The following VCF1 variants were observed in gnomAD, a reference collection of about 807,000 sequenced individuals.
VCF1 encodes protein VCF1.
the VCF1 span, among the ~76,000 whole-genome samples, chr17:73,217,764 G>C: frequency 6.6e-6 from 1 of 151,958 alleles, no homozygotes; most frequent in Admixed American, 6.6e-5. Flanking sequence ...CTGAGCTCAG[G>C]AGTTTGAGAC....
chr17:73,208,539 C>T, the VCF1 span: 65 of 1,457,456 alleles, frequency 4.5e-5, no homozygotes, highest in Non-Finnish European at 6.0e-5. Context: ...CTCAGCCACA[C>T]CAATCTTTCC....
At chr17:73,210,273 G>T in the VCF1 span, among the ~76,000 whole-genome samples, 1 of 152,076 alleles carries the variant, frequency 6.6e-6, no homozygotes, top group Admixed American at 6.6e-5. Context: ...GACACAAAAT[G>T]GTATTCTGTA....
chr17:73,227,105 G>A, the VCF1 span: 1 of 1,171,898 alleles, frequency 8.5e-7, no homozygotes, highest in Non-Finnish European at 1.2e-6. Flanking sequence ...TTACACAGCA[G>A]ATACTAGGTT....
chr17:73,225,900 T>TAATA, the VCF1 span, among the ~76,000 whole-genome samples: 286 of 77,868 alleles, frequency 3.7e-3, 4 homozygotes, highest in African/African-American at 0.018. Context: ...TATATATATA[T>TAATA]TTTTTTTTTT....
chr17:73,227,347 T>G, the VCF1 span: 1 of 1,170,206 alleles, frequency 8.5e-7, no homozygotes, highest in South Asian at 1.6e-5. Flanking sequence ...CATAACAACA[T>G]ATAAATTTGC....
the VCF1 span, chr17:73,232,333 T>A: frequency 6.5e-7 from 1 of 1,542,076 alleles, no homozygotes; most frequent in Non-Finnish European, 8.8e-7. Context: ...TACCGCCCTC[T>A]CGCGGCTGCG....
At chr17:73,214,388 A>G in the VCF1 span, among the ~76,000 whole-genome samples, 1 of 152,106 alleles carries the variant, frequency 6.6e-6, no homozygotes, top group East Asian at 1.9e-4. Flanking sequence ...TCAATTATTC[A>G]CAAATATATT....
At chr17:73,217,386 T>C in the VCF1 span, among the ~76,000 whole-genome samples, 129,686 of 150,526 alleles carry the variant, frequency 0.86, 56,285 homozygotes, top group Non-Finnish European at 0.92. Flanking sequence ...GGTGTGGTGG[T>C]TCATGCCTGT....
the VCF1 span, among the ~76,000 whole-genome samples, chr17:73,214,250 A>G: frequency 6.6e-6 from 1 of 151,890 alleles, no homozygotes; most frequent in African/African-American, 2.4e-5. Flanking sequence ...CACAATCTAT[A>G]GATGGACCAG....
At chr17:73,207,983 C>G in the VCF1 span, 1 of 1,264,048 alleles carries the variant, frequency 7.9e-7, no homozygotes, top group Non-Finnish European at 1.0e-6. Context: ...TAAGCATGGG[C>G]TATGTTGCAG....
At chr17:73,219,879 G>C in the VCF1 span, among the ~76,000 whole-genome samples, 1 of 151,842 alleles carries the variant, frequency 6.6e-6, no homozygotes, top group African/African-American at 2.4e-5. Context: ...GGAGGCTGAG[G>C]TGGGAGGATC....
the VCF1 span, among the ~76,000 whole-genome samples, chr17:73,220,894 ATTTTTTTTTT>A: frequency 0.022 from 2,124 of 96,658 alleles, 20 homozygotes; most frequent in Middle Eastern, 0.033. Flanking sequence ...TTTAATTTAG[ATTTTTTTTTT>A]TTTTTTTTTT....
the VCF1 span, chr17:73,208,592 T>C: frequency 9.4e-7 from 1 of 1,064,110 alleles, no homozygotes; most frequent in Non-Finnish European, 1.4e-6. Flanking sequence ...CTGTTGGGGG[T>C]TACTTTAAGC....
the VCF1 span, among the ~76,000 whole-genome samples, chr17:73,222,035 C>CA: frequency 0.71 from 57,556 of 80,804 alleles, 22,299 homozygotes; most frequent in East Asian, 0.82. Flanking sequence ...GACTCTGTCT[C>CA]AAAAAAAAAA....
chr17:73,226,464 T>C, the VCF1 span, among the ~76,000 whole-genome samples: 1 of 152,236 alleles, frequency 6.6e-6, no homozygotes, highest in African/African-American at 2.4e-5. Context: ...GGCTCTTTGT[T>C]GTTGAGGCTT....
the VCF1 span, among the ~76,000 whole-genome samples, chr17:73,230,819 G>A: frequency 6.6e-6 from 1 of 152,220 alleles, no homozygotes; most frequent in Non-Finnish European, 1.5e-5. Context: ...GAGATTATTT[G>A]TGTACAAGAT....
chr17:73,208,549 CA>C, the VCF1 span: 3 of 1,409,230 alleles, frequency 2.1e-6, no homozygotes, highest in Non-Finnish European at 3.0e-6. Context: ...CCAATCTTTC[CA>C]GTTTCACTGA....
the VCF1 span, among the ~76,000 whole-genome samples, chr17:73,225,043 G>C: frequency 2.3e-5 from 1 of 42,554 alleles, no homozygotes; most frequent in Non-Finnish European, 5.8e-5. Context: ...AGCACAGGAC[G>C]GCACAGCAGG....
chr17:73,209,576 C>T, the VCF1 span: 1 of 1,586,870 alleles, frequency 6.3e-7, no homozygotes, highest in Non-Finnish European at 8.6e-7. Flanking sequence ...AAGTGGGCCT[C>T]CCTCAGGGTC....
Sources: gnomAD v4.1 joint callset for allele counts (sites outside exome capture counted in the v4.1 genomes callset) on GRCh38, gnomAD v4.1.1 for gene constraint, MANE v1.5 for transcripts, NCBI Gene and HGNC (gene_info 2026-07-23, HGNC 2026-07-21) for gene names.